The following PKMYT1 variants were observed in gnomAD, a reference collection of about 807,000 sequenced individuals.
PKMYT1 encodes protein kinase, membrane associated tyrosine/threonine 1.
In PKMYT1, 35 loss-of-function variants were observed where a neutral mutation model predicts 49.7. The ratio of observed to expected loss-of-function variants is 0.70; its 90% CI spans 0.54 to 0.93. The LOEUF (loss-of-function observed/expected upper bound fraction) is 0.93, where lower values mean the gene tolerates loss of function less well. Ranked by LOEUF, PKMYT1 falls within the 40% of genes least tolerant of loss-of-function variation. PKMYT1 has a pLI of 0.00. For synonymous variants in PKMYT1, 331 were observed against 287.6 expected, an observed-to-expected ratio of 1.15 and a Z score of -1.53; for missense variants, 677 against 673.1, an observed-to-expected ratio of 1.01 and a Z score of -0.06.
intron 2 of PKMYT1, among the ~76,000 whole-genome samples, chr16:2,978,631 C>A (rs1215014108): frequency 6.6e-6 from 1 of 151,500 alleles, no homozygotes; most frequent in Non-Finnish European, 1.5e-5. Context: ...GCCTGTAGTC[C>A]CAGCTACTCG....
intron 2 of PKMYT1, among the ~76,000 whole-genome samples, chr16:2,978,381 C>T (rs2072254956): frequency 6.6e-6 from 1 of 152,124 alleles, no homozygotes; most frequent in Non-Finnish European, 1.5e-5. Context: ...AAAGAGCTAG[C>T]TAGGAAGAGC....
Position 2,976,897 on chromosome 16 carries a change from G to C in PKMYT1, c.145C>G (p.Arg49Gly), listed in dbSNP as rs375676053. The change falls in exon 3 of 9, where the codon CGG becomes GGG. Residue 49 changes from arginine (R) to glycine (G), a missense_variant. Physicochemically the swap from Arg to Gly is moderately radical, Grantham distance 125 (BLOSUM62 -2). Coordinates refer to ENST00000262300, the MANE Select transcript of PKMYT1 (RefSeq NM_004203.5). ...FSLKRPRGLS[R>G]SLPPPPPAKG... ...GCAGGGGGCGGAGGTGGGAGGCTCCGGCTGAGCCCCCTGGGCCTCTTGAGG... is the reference window on the plus strand; with the variant it reads ...GCAGGGGGCGGAGGTGGGAGGCTCCCGCTGAGCCCCCTGGGCCTCTTGAGG... 1.3e-6 allele frequency: 2 copies of C among 1,538,132 alleles called. No homozygotes were observed. Among genetic ancestry groups the C allele is most frequent in the Non-Finnish European group, 1.8e-6 (2 of 1,136,720 alleles).
rs1395432169 is a variant in PKMYT1 at position 2,980,381 on chromosome 16, T to C, written c.-351A>G. On this transcript the variant is annotated 5_prime_UTR_variant, in exon 1 of 9. Transcript: ENST00000262300. ...TCGGGTGGCTCAGCGGGCCGGAGTC[T>C]GCCGTCGACTGTTCCGGACGCCCGG... The C allele has an allele frequency of 6.6e-6, 1 of 152,288 alleles. No homozygotes were observed. Among genetic ancestry groups the C allele is most frequent in the African/African-American group, 2.4e-5 (1 of 41,452 alleles). 9.4% of individuals were successfully genotyped at this position (152,288 alleles called of 1,614,324 possible).
chr16:2,973,887 G>A, intron 7 of PKMYT1, 113 bp downstream of exon 7: 1 of 1,196,870 alleles, frequency 8.4e-7, no homozygotes. Context: ...TCCCCAGGAT[G>A]TGATGGGGGC....
chr16:2,974,249 C>G lies in PKMYT1; in HGVS notation c.1148G>C (p.Trp383Ser). ...AEALSRGWAL[W>S]QALLALLCWL... ...CCGCCACTGTCGGGAGCTTACCTGC[C>G]ACAGGGCCCACCCTCGGCTCAGGGC... The change falls in exon 6 of 9, where the codon TGG becomes TCG. Residue 383 changes from tryptophan (W) to serine (S), a missense_variant. By Grantham distance (177) the Trp-to-Ser change is radical. Coordinates refer to ENST00000262300, the MANE Select transcript of PKMYT1 (RefSeq NM_004203.5). 6.4e-7 allele frequency: 1 copy of G among 1,565,004 alleles called. No homozygotes were observed. The highest frequency in any genetic ancestry group is 8.7e-7 in the Non-Finnish European group (1 of 1,155,692).
At chr16:2,973,883 G>C (rs2072094123) in intron 7 of PKMYT1, 117 bp downstream of exon 7, 1 of 1,158,338 alleles carries the variant, frequency 8.6e-7, no homozygotes, top group African/African-American at 1.5e-5. Context: ...CCCTTCCCCA[G>C]GATGTGATGG....
At chr16:2,974,458 G>A (rs372209299) in intron 5 of PKMYT1, 41 bp from the exon 6 acceptor site, 20 of 1,578,694 alleles carry the variant, frequency 1.3e-5, no homozygotes, top group African/African-American at 1.2e-4. Flanking sequence ...CCAGAACACC[G>A]ACTGCACCCT....
In PKMYT1 at chr16:2,972,846, C is replaced by G. The variant is rs372084213; in HGVS notation, c.*107G>C. 7 of 1,532,324 alleles carry G rather than the reference C, an allele frequency of 4.6e-6. No individual in the cohort carries two copies. Among genetic ancestry groups the G allele is most frequent in the Non-Finnish European group, 6.2e-6 (7 of 1,133,958 alleles). 94.9% of individuals were successfully genotyped at this position (1,532,324 alleles called of 1,614,324 possible). ...AGGTTCAAATACTTTTTATTAGACA[C>G]GGCCAGGCAGAGAAGACCATGGGAG... On this transcript the variant is annotated 3_prime_UTR_variant, in exon 9 of 9. Coordinates refer to ENST00000262300, the MANE Select transcript of PKMYT1 (RefSeq NM_004203.5).
intron 2 of PKMYT1, 151 bp from the exon 3 acceptor site, chr16:2,977,182 C>T: frequency 6.8e-7 from 1 of 1,465,292 alleles, no homozygotes; most frequent in Non-Finnish European, 9.0e-7. Flanking sequence ...AAGCACCTAC[C>T]AAGAAAAGGC....
chr16:2,974,223 G>A, intron 6 of PKMYT1, 22 bp downstream of exon 6: 1 of 1,553,772 alleles, frequency 6.4e-7, no homozygotes, highest in Non-Finnish European at 8.7e-7. Context: ...AGGGCAGGCA[G>A]CCGCCACTGT....
intron 2 of PKMYT1, among the ~76,000 whole-genome samples, chr16:2,979,161 C>T (rs575576589): frequency 5.9e-5 from 9 of 151,754 alleles, no homozygotes; most frequent in Non-Finnish European, 1.3e-4. Context: ...ATGGTGAAAC[C>T]CCATCTCTAC....
Position 2,975,781 on chromosome 16 carries a change from G to C in PKMYT1, c.410C>G (p.Ala137Gly). 1 of 1,597,906 alleles carries C rather than the reference G, an allele frequency of 6.3e-7. No individual in the cohort carries two copies. Among genetic ancestry groups the C allele is most frequent in the Non-Finnish European group, 8.5e-7 (1 of 1,178,728 alleles). ...VRSKEDGRLY[A>G]VKRSMSPFRG... ...GAATGGTGACATGGAACGCTTTACC[G>C]CATAGAGCCGGCCGTCCTCCTTGGA... The change falls in exon 4 of 9, where the codon GCG becomes GGG. Residue 137 changes from alanine to glycine, a missense_variant. By Grantham distance (60) the Ala-to-Gly change is moderately conservative. Transcript: ENST00000262300.
At chr16:2,975,216 G>T (rs1248804141) in intron 4 of PKMYT1, 103 bp downstream of exon 4, 2 of 1,332,324 alleles carry the variant, frequency 1.5e-6, no homozygotes, top group Non-Finnish European at 2.0e-6. Context: ...CTGAGGCCGG[G>T]TGTCCTGGGC....
chr16:2,973,285 C>T (rs1322979600), intron 7 of PKMYT1, 70 bp from the exon 8 acceptor site: 3 of 1,501,052 alleles, frequency 2.0e-6, no homozygotes, highest in Non-Finnish European at 2.7e-6. Flanking sequence ...CAGCTCTGTC[C>T]CTGTGCAGGC....
At chr16:2,973,336 A>G (rs1202902301) in intron 7 of PKMYT1, 121 bp from the exon 8 acceptor site, 30 of 1,542,752 alleles carry the variant, frequency 1.9e-5, no homozygotes, top group African/African-American at 2.7e-5. Context: ...AGCCACAGTC[A>G]GGGACAATAA....
In PKMYT1 at chr16:2,972,962, G is replaced by C; in HGVS notation, c.1491C>G (p.Asp497Glu). ...NLLSLFEDTL[D>E]PT ...AGGCAGAGTCTGGGGCTCAGGTTGG[G>C]TCTAGGGTGTCCTCAAACAGGCTGA... The change falls in exon 9 of 9, where the codon GAC (aspartate) becomes GAG (glutamate). Residue 497 changes from aspartate to glutamate, a missense_variant. Coordinates refer to ENST00000262300, the MANE Select transcript of PKMYT1 (RefSeq NM_004203.5). 1 of 1,607,402 alleles carries C rather than the reference G, an allele frequency of 6.2e-7. No homozygotes were observed. Among genetic ancestry groups the C allele is most frequent in the Non-Finnish European group, 8.5e-7 (1 of 1,178,118 alleles).
In PKMYT1 at chr16:2,976,979, C is replaced by G; in HGVS notation, c.63G>C (p.Leu21=). Reference sequence around the variant, plus strand: ...CTGGGACTGGGATGGGGGTGCCACTCAGAGGTGGCGGGGTGCCCTCCGTGG... The same window carrying G: ...CTGGGACTGGGATGGGGGTGCCACTGAGAGGTGGCGGGGTGCCCTCCGTGG... ...PMPTEGTPPP[L]SGTPIPVPAY... is the part of the protein sequence containing the mutation. Residue 21 remains leucine (L), a synonymous_variant, in exon 3 of 9, where the codon CTG becomes CTC. Coordinates refer to ENST00000262300, the MANE Select transcript of PKMYT1 (RefSeq NM_004203.5). 6.4e-7 allele frequency: 1 copy of G among 1,563,610 alleles called. No individual in the cohort carries two copies. Among genetic ancestry groups the G allele is most frequent in the Non-Finnish European group, 8.7e-7 (1 of 1,154,496 alleles).
Position 2,972,910 on chromosome 16 carries a change from A to T in PKMYT1, c.*43T>A. 1 of 1,565,804 alleles carries T rather than the reference A, an allele frequency of 6.4e-7. No individual in the cohort carries two copies. Among genetic ancestry groups the T allele is most frequent in the Non-Finnish European group, 8.7e-7 (1 of 1,153,142 alleles). On this transcript the variant is annotated 3_prime_UTR_variant, in exon 9 of 9. Coordinates refer to ENST00000262300, the MANE Select transcript of PKMYT1 (RefSeq NM_004203.5). ...CCAGCTTTCAAGGGCGACGGGAGAGACACAGGATAAAAGGTTAAAAGTGCA... is the reference window on the plus strand; with the variant it reads ...CCAGCTTTCAAGGGCGACGGGAGAGTCACAGGATAAAAGGTTAAAAGTGCA...
intron 7 of PKMYT1, 192 bp from the exon 8 acceptor site, chr16:2,973,407 C>T (rs1200597193): frequency 3.3e-6 from 5 of 1,534,940 alleles, no homozygotes; most frequent in East Asian, 4.9e-5. Flanking sequence ...CATCTGGCTG[C>T]ACTCCAAGGC....
Sources: gnomAD v4.1 joint callset for allele counts (sites outside exome capture counted in the v4.1 genomes callset) on GRCh38, gnomAD v4.1.1 for gene constraint, MANE v1.5 for transcripts, NCBI Gene and HGNC (gene_info 2026-07-23, HGNC 2026-07-21) for gene names.